Variants in GFRA2 observed in about 807,000 individuals in gnomAD.
GFRA2 encodes GDNF family receptor alpha-2.
Under a neutral mutation model 48.3 loss-of-function variants are expected in GFRA2, and 17 were observed. That is an observed-to-expected ratio of 0.35 (90% CI 0.24 to 0.53). The LOEUF is 0.53. Among genes scored for constraint, GFRA2 ranks in the 20% least tolerant of loss-of-function variants. The pLI, the probability that GFRA2 is intolerant of heterozygous loss-of-function variation, is 0.93. For synonymous variants in GFRA2, 305 were observed against 257.2 expected (o/e 1.19, Z -1.78); for missense variants, 660 against 637.3 (o/e 1.04, Z -0.38).
At chr8:21,733,531 A>G (rs1804300899) in intron 4 of GFRA2, among the ~76,000 whole-genome samples, 1 of 152,174 alleles carries the variant, frequency 6.6e-6, no homozygotes, top group Non-Finnish European at 1.5e-5. Context: ...AGAGAGGGCG[A>G]AGGGAGAGAA....
chr8:21,735,727 A>G (rs550604793), intron 4 of GFRA2, among the ~76,000 whole-genome samples: 2 of 152,078 alleles, frequency 1.3e-5, no homozygotes, highest in Non-Finnish European at 2.9e-5. Context: ...TCATGGCGTG[A>G]TCACAGCTCA....
chr8:21,806,041 G>A (rs979923267), intron 1 of GFRA2, among the ~76,000 whole-genome samples: 4 of 152,146 alleles, frequency 2.6e-5, no homozygotes, highest in African/African-American at 9.7e-5. Context: ...ACCTCTTGCT[G>A]GTCCTATAAC....
At chr8:21,772,447 GC>G (rs1329210682) in intron 3 of GFRA2, among the ~76,000 whole-genome samples, 6 of 152,138 alleles carry the variant, frequency 3.9e-5, no homozygotes, top group African/African-American at 1.4e-4. Context: ...GAAATTACAG[GC>G]AAGCGTGAGC....
chr8:21,722,894 G>T (rs558781250), intron 4 of GFRA2, among the ~76,000 whole-genome samples: 12 of 152,334 alleles, frequency 7.9e-5, no homozygotes, highest in Non-Finnish European at 1.8e-4. Context: ...GTTACACAGA[G>T]CTACAGTCTT....
chr8:21,767,762 A>T (rs1806248213), intron 3 of GFRA2, among the ~76,000 whole-genome samples: 1 of 152,202 alleles, frequency 6.6e-6, no homozygotes, highest in Non-Finnish European at 1.5e-5. Context: ...CAACCACAGC[A>T]CCTGAAATAC....
At chr8:21,731,607 G>A (rs1381103987) in intron 4 of GFRA2, among the ~76,000 whole-genome samples, 1 of 152,122 alleles carries the variant, frequency 6.6e-6, no homozygotes, top group Non-Finnish European at 1.5e-5. Context: ...AACAGATCAT[G>A]AACTCCTAAG....
chr8:21,754,873 G>T (rs2117613246), intron 3 of GFRA2, among the ~76,000 whole-genome samples: 1 of 152,252 alleles, frequency 6.6e-6, no homozygotes, highest in South Asian at 2.1e-4. Flanking sequence ...AAATAAAAGA[G>T]GGGAGGGTAC....
chr8:21,708,148 GC>G (rs754990009), intron 4 of GFRA2, among the ~76,000 whole-genome samples: 1 of 152,236 alleles, frequency 6.6e-6, no homozygotes, highest in Non-Finnish European at 1.5e-5. Context: ...CCCTTCCAGA[GC>G]CATCATTCTG....
chr8:21,726,725 T>C (rs1445886856), intron 4 of GFRA2, among the ~76,000 whole-genome samples: 1 of 151,718 alleles, frequency 6.6e-6, no homozygotes, highest in Non-Finnish European at 1.5e-5. Context: ...TATGATCTTA[T>C]CTTAATTACA....
chr8:21,723,909 C>A (rs963471362), intron 4 of GFRA2, among the ~76,000 whole-genome samples: 3 of 152,128 alleles, frequency 2.0e-5, no homozygotes, highest in Admixed American at 1.3e-4. Context: ...GTCCCCACAG[C>A]AGGTGGCAGA....
At chr8:21,707,617 G>C (rs1475735732) in intron 4 of GFRA2, among the ~76,000 whole-genome samples, 9 of 152,214 alleles carry the variant, frequency 5.9e-5, no homozygotes, top group Non-Finnish European at 1.2e-4. Flanking sequence ...CAAACCAAGA[G>C]TCAGCTCAGC....
chr8:21,788,048 CGGCGCTCCGCT>C, intron 1 of GFRA2, 61 bp downstream of exon 1: 2 of 665,722 alleles, frequency 3.0e-6, no homozygotes, highest in Non-Finnish European at 4.8e-6. Context: ...AGCCCCCCAC[CGGCGCTCCGCT>C]CGCCCCCCGC....
chr8:21,748,360 T>A (rs1805113113), intron 4 of GFRA2, among the ~76,000 whole-genome samples: 1 of 152,136 alleles, frequency 6.6e-6, no homozygotes, highest in Non-Finnish European at 1.5e-5. Flanking sequence ...TCCATTCAAC[T>A]AACCTTATGG....
chr8:21,757,702 C>T (rs1175187693), intron 3 of GFRA2, among the ~76,000 whole-genome samples: 1 of 151,990 alleles, frequency 6.6e-6, no homozygotes, highest in Admixed American at 6.6e-5. Context: ...GGGGTTTTGC[C>T]ATGTTGGCCA....
At chr8:21,739,006 C>T (rs1456155595) in intron 4 of GFRA2, among the ~76,000 whole-genome samples, 1 of 152,176 alleles carries the variant, frequency 6.6e-6, no homozygotes, top group Non-Finnish European at 1.5e-5. Context: ...GCTGAGTGAG[C>T]ATCTATTTGA....
At chr8:21,708,777 G>A (rs750659678) in intron 4 of GFRA2, among the ~76,000 whole-genome samples, 2 of 152,180 alleles carry the variant, frequency 1.3e-5, no homozygotes, top group Admixed American at 6.5e-5. Context: ...CTAAGAGAAA[G>A]AGAAAGGCAT....
chr8:21,767,454 A>G (rs1481187318), intron 3 of GFRA2, among the ~76,000 whole-genome samples: 7 of 152,244 alleles, frequency 4.6e-5, no homozygotes, highest in Non-Finnish European at 7.3e-5. Context: ...CGGGGGTTAC[A>G]GGAGCGTGCA....
rs946701542 is a variant in GFRA2, at chr8:21,782,673, C to T, written c.267G>A (p.Pro89=). 21 of 1,587,746 alleles carry T rather than the reference C, an allele frequency of 1.3e-5. No individual in the cohort carries two copies. Among genetic ancestry groups the T allele is most frequent in the Non-Finnish European group, 1.4e-5 (16 of 1,167,728 alleles). The part of the protein sequence containing the change: ...QAALEVLQES[P]LYDCRCKRGM... ...CCCGCTTGCAGCGGCAGTCGTACAG[C>T]GGGCTCTCCTGCAAGACCTCCAAGG... The change falls in exon 2 of 9, where the codon CCG becomes CCA. Residue 89 remains proline, a synonymous_variant. Transcript: ENST00000524240.
intron 3 of GFRA2, among the ~76,000 whole-genome samples, chr8:21,754,267 T>C (rs1805444306): frequency 6.6e-6 from 1 of 152,210 alleles, no homozygotes; most frequent in African/African-American, 2.4e-5. Flanking sequence ...GCAGGTGCTA[T>C]GCAATAGGTA....
Sources: gnomAD v4.1 joint callset for allele counts (sites outside exome capture counted in the v4.1 genomes callset) on GRCh38, gnomAD v4.1.1 for gene constraint, MANE v1.5 for transcripts, NCBI Gene and HGNC (gene_info 2026-07-23, HGNC 2026-07-21) for gene names.